Variants in LAMA2 observed in about 807,000 individuals in gnomAD.
The protein encoded by LAMA2 is laminin subunit alpha-2.
LAMA2 carries 269 observed loss-of-function variants against 364.8 expected under a neutral mutation model. The observed-to-expected ratio is 0.74, with a 90% CI of 0.67 to 0.82. LAMA2 has a LOEUF of 0.82. LAMA2 is among the 40% of genes least tolerant of loss of function. The probability of loss-of-function intolerance (pLI) is 0.00; values close to 1 mark genes in which losing one functional copy is unlikely to be tolerated. For missense variants in LAMA2, 3,807 were observed against 3,873.2 expected (o/e 0.98, Z 0.45); for synonymous variants, 1,379 against 1,370.6 (o/e 1.01, Z -0.14).
intron 41 of LAMA2, among the ~76,000 whole-genome samples, chr6:129,437,863 C>T (rs948454863): frequency 6.6e-6 from 1 of 151,802 alleles, no homozygotes; most frequent in African/African-American, 2.4e-5. Flanking sequence ...TCAAATTTTA[C>T]TCTTTATATT....
At chr6:129,034,213 T>C (rs531306248) in intron 1 of LAMA2, among the ~76,000 whole-genome samples, 287 of 152,216 alleles carry the variant, frequency 1.9e-3, no homozygotes, top group African/African-American at 6.6e-3. Flanking sequence ...TTTTGTTGCT[T>C]TGGTTTTTTG....
intron 29 of LAMA2, among the ~76,000 whole-genome samples, 176 bp downstream of exon 29, chr6:129,328,588 A>C (rs977814069): frequency 1.3e-5 from 2 of 152,216 alleles, no homozygotes; most frequent in Non-Finnish European, 2.9e-5. Flanking sequence ...GTAAGGAAAA[A>C]ATAACTGGGA....
chr6:129,321,710 T>C (rs1774979455), intron 28 of LAMA2, among the ~76,000 whole-genome samples: 1 of 152,236 alleles, frequency 6.6e-6, no homozygotes, highest in Non-Finnish European at 1.5e-5. Flanking sequence ...ACTAGTTATA[T>C]ACCCATGTAT....
At chr6:129,095,822 C>G (rs1286602160) in intron 3 of LAMA2, among the ~76,000 whole-genome samples, 1 of 151,122 alleles carries the variant, frequency 6.6e-6, no homozygotes, top group Non-Finnish European at 1.5e-5. Context: ...ACTTGGGAGG[C>G]TGAGGCAGGA....
intron 22 of LAMA2, among the ~76,000 whole-genome samples, chr6:129,310,725 C>T (rs1415422692): frequency 6.6e-6 from 1 of 152,086 alleles, no homozygotes; most frequent in African/African-American, 2.4e-5. Flanking sequence ...CAGCTACTCC[C>T]TCTAGGCTGA....
Position 129,369,898 on chromosome 6 carries a change from C to G in LAMA2, c.4867C>G (p.Leu1623Val). ...ENMTQELKHL[L>V]SPQRAPERLI... ...GGGATGGAATCTTTTTCAGCACTTGCTGTCACCTCAGCGGGCCCCAGAGAG... is the reference window on the plus strand; with the variant it reads ...GGGATGGAATCTTTTTCAGCACTTGGTGTCACCTCAGCGGGCCCCAGAGAG... The change falls in exon 34 of 65, where the codon CTG becomes GTG. Residue 1623 changes from leucine to valine, a missense_variant. Coordinates refer to ENST00000421865, the MANE Select transcript of LAMA2 (RefSeq NM_000426.4). The G allele has an allele frequency of 6.2e-7, 1 of 1,613,882 alleles. No homozygotes were observed. Among genetic ancestry groups the G allele is most frequent in the Non-Finnish European group, 8.5e-7 (1 of 1,179,800 alleles).
At chr6:129,128,084 C>A (rs1164743304) in intron 4 of LAMA2, among the ~76,000 whole-genome samples, 1 of 152,142 alleles carries the variant, frequency 6.6e-6, no homozygotes, top group Admixed American at 6.6e-5. Flanking sequence ...AGATCAATGT[C>A]ATATACTTTC....
intron 47 of LAMA2, among the ~76,000 whole-genome samples, chr6:129,455,379 T>C (rs1440153246): frequency 1.3e-5 from 2 of 152,184 alleles, no homozygotes; most frequent in Non-Finnish European, 2.9e-5. Flanking sequence ...TTGAGGGAAT[T>C]AAGTACTTAA....
chr6:129,373,118 A>G (rs143857774), intron 34 of LAMA2, among the ~76,000 whole-genome samples: 1 of 152,184 alleles, frequency 6.6e-6, no homozygotes, highest in Non-Finnish European at 1.5e-5. Context: ...TCTTTCACAG[A>G]GCAGAAGTTT....
chr6:129,198,861 T>A (rs938499360), intron 12 of LAMA2, among the ~76,000 whole-genome samples: 1 of 152,144 alleles, frequency 6.6e-6, no homozygotes, highest in Non-Finnish European at 1.5e-5. Flanking sequence ...AGTAATTGAA[T>A]CAGCAGTCAA....
At chr6:128,923,999 T>G (rs1436261974) in intron 1 of LAMA2, among the ~76,000 whole-genome samples, 4 of 152,120 alleles carry the variant, frequency 2.6e-5, no homozygotes, top group Admixed American at 6.6e-5. Flanking sequence ...CTAAGAATAG[T>G]CAGATGCCCC....
At chr6:129,476,232 G>A (rs891145136) in intron 53 of LAMA2, among the ~76,000 whole-genome samples, 16 of 152,058 alleles carry the variant, frequency 1.1e-4, no homozygotes, top group African/African-American at 2.9e-4. Flanking sequence ...TAATAAAGCC[G>A]AACTGATCCA....
chr6:129,096,725 C>T (rs1304720725), intron 3 of LAMA2, among the ~76,000 whole-genome samples: 1 of 152,116 alleles, frequency 6.6e-6, no homozygotes, highest in Non-Finnish European at 1.5e-5. Flanking sequence ...AGTACAGAAG[C>T]ATTTCAGTAT....
chr6:129,112,900 CA>C (rs1776240128), intron 4 of LAMA2, among the ~76,000 whole-genome samples: 4 of 151,904 alleles, frequency 2.6e-5, no homozygotes, highest in Admixed American at 2.6e-4. Flanking sequence ...CTGCTTGTAC[CA>C]AACTGTAAAA....
intron 12 of LAMA2, among the ~76,000 whole-genome samples, chr6:129,239,589 A>G (rs1026495663): frequency 1.3e-5 from 2 of 152,166 alleles, no homozygotes; most frequent in Non-Finnish European, 2.9e-5. Flanking sequence ...TTCCTTTTCT[A>G]TCACCCCAGA....
chr6:129,052,758 CT>C (rs998721643), intron 2 of LAMA2, among the ~76,000 whole-genome samples: 31 of 149,238 alleles, frequency 2.1e-4, no homozygotes, highest in Middle Eastern at 3.4e-3. Flanking sequence ...TTTCATTGCT[CT>C]TTTTTTTTTA....
intron 8 of LAMA2, among the ~76,000 whole-genome samples, chr6:129,155,509 T>C (rs1779058116): frequency 1.3e-5 from 2 of 152,126 alleles, no homozygotes; most frequent in Admixed American, 6.5e-5. Flanking sequence ...TCTTCTCTTA[T>C]GAAGTAGATG....
intron 13 of LAMA2, among the ~76,000 whole-genome samples, chr6:129,251,062 CTCTCTCTCTCTCTCTATATATA>C (rs1312967901): frequency 2.4e-4 from 17 of 71,266 alleles, no homozygotes; most frequent in East Asian, 2.3e-3. Flanking sequence ...CTCTCTCTCT[CTCTCTCTCTCTCTCTATATATA>C]TATATATATA....
chr6:128,906,363 AT>A (rs1363929995), intron 1 of LAMA2, among the ~76,000 whole-genome samples: 7 of 131,226 alleles, frequency 5.3e-5, no homozygotes, highest in Non-Finnish European at 1.6e-5. Flanking sequence ...TGTGGTTTTG[AT>A]TTGCATTTCT....
Sources: gnomAD v4.1 joint callset for allele counts (sites outside exome capture counted in the v4.1 genomes callset) on GRCh38, gnomAD v4.1.1 for gene constraint, MANE v1.5 for transcripts, NCBI Gene and HGNC (gene_info 2026-07-23, HGNC 2026-07-21) for gene names.